CLSTN2: variants seen among roughly 807,000 people sequenced by gnomAD.
CLSTN2 encodes calsyntenin-2.
Under a neutral mutation model 101.2 loss-of-function variants are expected in CLSTN2, and 48 were observed. That is an observed-to-expected ratio of 0.47 (90% CI 0.38 to 0.60). The LOEUF (loss-of-function observed/expected upper bound fraction) is 0.60, where lower values mean the gene tolerates loss of function less well. CLSTN2 is among the 20% of genes least tolerant of loss of function. The pLI is 0.00. For missense variants in CLSTN2, 1,160 were observed against 1,238.2 expected (o/e 0.94, Z 0.95); for synonymous variants, 481 against 463.6 (o/e 1.04, Z -0.48).
At chr3:140,445,376 G>C (rs766954670) in intron 5 of CLSTN2, among the ~76,000 whole-genome samples, 9 of 152,290 alleles carry the variant, frequency 5.9e-5, no homozygotes, top group South Asian at 4.1e-4. Context: ...GCTGAATAAA[G>C]GGAATCAATG....
intron 8 of CLSTN2, among the ~76,000 whole-genome samples, chr3:140,487,735 G>T (rs912062691): frequency 6.6e-6 from 1 of 152,214 alleles, no homozygotes; most frequent in Non-Finnish European, 1.5e-5. Flanking sequence ...TGTTTAGGCT[G>T]CCCTGGAAGT....
At chr3:140,256,784 T>C (rs956521283) in intron 2 of CLSTN2, among the ~76,000 whole-genome samples, 1 of 152,238 alleles carries the variant, frequency 6.6e-6, no homozygotes, top group African/African-American at 2.4e-5. Context: ...TAAATATCAT[T>C]AACTAAAATA....
chr3:140,332,128 G>T (rs1231953224), intron 2 of CLSTN2, among the ~76,000 whole-genome samples: 1 of 152,186 alleles, frequency 6.6e-6, no homozygotes, highest in East Asian at 1.9e-4. Context: ...AGCCCAGGGG[G>T]CCAGTGTCAA....
At chr3:140,277,745 T>C (rs906661257) in intron 2 of CLSTN2, among the ~76,000 whole-genome samples, 3 of 152,202 alleles carry the variant, frequency 2.0e-5, no homozygotes, top group Admixed American at 1.3e-4. Flanking sequence ...GAGGAGATAT[T>C]GTTTGCGCTG....
At chr3:140,461,999 T>C (rs1427509649) in intron 7 of CLSTN2, among the ~76,000 whole-genome samples, 1 of 152,094 alleles carries the variant, frequency 6.6e-6, no homozygotes, top group African/African-American at 2.4e-5. Flanking sequence ...TCAAAATTTT[T>C]TTCAAGTCAT....
At chr3:140,512,733 TC>T (rs1934839407) in intron 8 of CLSTN2, among the ~76,000 whole-genome samples, 1 of 152,252 alleles carries the variant, frequency 6.6e-6, no homozygotes, top group South Asian at 2.1e-4. Context: ...TATTGATTCT[TC>T]CTATTCATGA....
intron 4 of CLSTN2, among the ~76,000 whole-genome samples, chr3:140,411,861 T>C (rs1035684262): frequency 6.6e-6 from 1 of 152,054 alleles, no homozygotes; most frequent in Admixed American, 6.6e-5. Context: ...GTTTAAAAGG[T>C]TTTAGTACGT....
chr3:140,085,379 A>G (rs1161893844), intron 1 of CLSTN2, among the ~76,000 whole-genome samples: 1 of 152,126 alleles, frequency 6.6e-6, no homozygotes, highest in East Asian at 1.9e-4. Context: ...TACTTTCCTC[A>G]TTACATATAC....
chr3:140,080,990 C>T (rs893434645), intron 1 of CLSTN2, among the ~76,000 whole-genome samples: 2 of 152,168 alleles, frequency 1.3e-5, no homozygotes, highest in Non-Finnish European at 2.9e-5. Context: ...ATGAGCTGAC[C>T]TCTGAATATC....
At chr3:140,527,285 T>G (rs759168371) in intron 8 of CLSTN2, among the ~76,000 whole-genome samples, 1 of 152,084 alleles carries the variant, frequency 6.6e-6, no homozygotes, top group South Asian at 2.1e-4. Flanking sequence ...CAGATTCTTC[T>G]CAAAAGAAGA....
chr3:140,470,409 G>T (rs545589711), intron 8 of CLSTN2, among the ~76,000 whole-genome samples: 2 of 152,256 alleles, frequency 1.3e-5, no homozygotes, highest in Non-Finnish European at 2.9e-5. Context: ...CTCTGGGAGG[G>T]AACATCTGCA....
In CLSTN2 at chr3:140,490,108, A is replaced by G. The variant is rs1490651988; in HGVS notation, c.1344+23377A>G. 2.7e-4 allele frequency among the ~76,000 whole-genome samples: 3 copies of G among 11,016 alleles called. 1 individual carries two copies. Among genetic ancestry groups the G allele is most frequent in the African/African-American group, 8.6e-4 (2 of 2,332 alleles). The allele number at this position is 11,016 out of a possible 152,430, so 7.2% of individuals were successfully genotyped here. A position where few individuals can be genotyped will look rare whatever the true frequency, so the allele number is the denominator to read the frequency against. ...TGTGTGTATATATATATATATATAT[A>G]TATATATATACACACACACACACAC... On this transcript the variant is annotated intron_variant, in intron 8 of 16. Transcript: ENST00000458420.
intron 10 of CLSTN2, among the ~76,000 whole-genome samples, chr3:140,549,846 G>C (rs1012261651): frequency 6.6e-6 from 1 of 150,730 alleles, no homozygotes; most frequent in African/African-American, 2.5e-5. Flanking sequence ...TTCTCTATCT[G>C]CTCACAGGGA....
At chr3:140,263,411 G>A (rs531666768) in intron 2 of CLSTN2, among the ~76,000 whole-genome samples, 2 of 152,260 alleles carry the variant, frequency 1.3e-5, no homozygotes, top group Admixed American at 1.3e-4. Flanking sequence ...GGAAGATGTG[G>A]AAGAGGTTGG....
chr3:140,454,637 G>T (rs1933350276), intron 6 of CLSTN2: 1 of 152,162 alleles, frequency 6.6e-6, no homozygotes, highest in Non-Finnish European at 1.5e-5. Flanking sequence ...AAATAACAAA[G>T]GTTTATTTAT....
rs957477384 is a variant in CLSTN2 at position 140,574,136 on chromosome 3, A to T, written c.*7883A>T. The stretch of plus-strand genomic sequence containing the variant: ...TGAATTGAATTGAATCCCAGAGATC[A>T]CTTGACCTCAGTGAAGGGACTGGGT... On this transcript the variant is annotated 3_prime_UTR_variant, in exon 17 of 17. Transcript: ENST00000458420. 1 of 152,186 alleles carries T rather than the reference A, an allele frequency of 6.6e-6. No individual in the cohort carries two copies. The highest frequency in any genetic ancestry group is 1.5e-5 in the Non-Finnish European group (1 of 68,034). The allele number at this position is 152,186 out of a possible 1,614,324, so 9.4% of individuals were successfully genotyped here. A position where few individuals can be genotyped will look rare whatever the true frequency, so the allele number is the denominator to read the frequency against.
At chr3:140,110,421 C>A (rs1454989583) in intron 1 of CLSTN2, among the ~76,000 whole-genome samples, 2 of 152,156 alleles carry the variant, frequency 1.3e-5, no homozygotes, top group African/African-American at 4.8e-5. Flanking sequence ...CATTAAACAC[C>A]ATGGGGCATC....
At chr3:140,481,453 C>A in intron 8 of CLSTN2, among the ~76,000 whole-genome samples, 1 of 152,106 alleles carries the variant, frequency 6.6e-6, no homozygotes, top group Non-Finnish European at 1.5e-5. Flanking sequence ...TCCATATGAA[C>A]TTTAAAGTAG....
chr3:140,118,053 T>A (rs1299552923), intron 1 of CLSTN2, among the ~76,000 whole-genome samples: 2 of 152,080 alleles, frequency 1.3e-5, no homozygotes, highest in African/African-American at 2.4e-5. Context: ...TAAGGTAGAA[T>A]GAGGCTATCA....
Sources: allele counts gnomAD v4.1 joint callset (sites outside exome capture counted in the v4.1 genomes callset), GRCh38; gene constraint gnomAD v4.1.1; transcripts MANE v1.5; gene names NCBI Gene and HGNC (gene_info 2026-07-23, HGNC 2026-07-21).